Variants in SSBP3 observed in about 807,000 individuals in gnomAD.
The protein encoded by SSBP3 is single-stranded DNA-binding protein 3.
SSBP3 carries 5 observed loss-of-function variants against 69.6 expected under a neutral mutation model. The observed-to-expected ratio is 0.07, with a 90% CI of 0.04 to 0.15. The LOEUF (loss-of-function observed/expected upper bound fraction) is 0.15, where lower values mean the gene tolerates loss of function less well. Among genes scored for constraint, SSBP3 ranks in the 10% least tolerant of loss-of-function variants. The pLI is 1.00. For synonymous variants in SSBP3, 196 were observed against 193.4 expected (o/e 1.01, Z -0.11); for missense variants, 312 against 534.0 (o/e 0.58, Z 4.10).
chr1:54,304,576 A>G (rs1275999867), intron 4 of SSBP3, among the ~76,000 whole-genome samples: 2 of 152,178 alleles, frequency 1.3e-5, no homozygotes, highest in African/African-American at 4.8e-5. Flanking sequence ...GGAAGAACAG[A>G]TAACTCTGGC....
At chr1:54,394,695 CTTTTTT>C (rs544898836) in intron 4 of SSBP3, among the ~76,000 whole-genome samples, 16 of 97,150 alleles carry the variant, frequency 1.6e-4, no homozygotes, top group Admixed American at 7.6e-4. Context: ...CTTAAGACTC[CTTTTTT>C]TTTTTTTTTT....
intron 4 of SSBP3, among the ~76,000 whole-genome samples, chr1:54,365,312 A>G (rs1647011708): frequency 6.6e-6 from 1 of 152,168 alleles, no homozygotes; most frequent in Non-Finnish European, 1.5e-5. Context: ...GACATGCTCT[A>G]TCGTGTCACC....
In SSBP3 at chr1:54,258,716, A is replaced by G. The variant is rs72664202; in HGVS notation, c.367-567T>C. Among the ~76,000 whole-genome samples, 9,668 of 152,226 alleles carry G rather than the reference A, an allele frequency of 0.064. 435 individuals are homozygous for G. The highest frequency in any genetic ancestry group is 0.22 in the South Asian group (1,071 of 4,820). On this transcript the variant is annotated intron_variant, in intron 5 of 17. Transcript: ENST00000610401. The surrounding 1 kb of genome is among the most constrained non-coding windows in gnomAD (Gnocchi z 4.5). ...GGGCAGGAGGGCCGGGGGCACCGAC[A>G]GATAAACAACAGAGGCAAGAGGAGC...
At chr1:54,353,362 A>C (rs1646813454) in intron 4 of SSBP3, among the ~76,000 whole-genome samples, 1 of 152,210 alleles carries the variant, frequency 6.6e-6, no homozygotes, top group South Asian at 2.1e-4. Flanking sequence ...CAGATCCTAC[A>C]GGTTCCAGAA....
At chr1:54,274,838 C>A (rs1410417868) in intron 5 of SSBP3, among the ~76,000 whole-genome samples, 2 of 152,164 alleles carry the variant, frequency 1.3e-5, no homozygotes, top group Non-Finnish European at 2.9e-5. Flanking sequence ...TGGCTCCATC[C>A]CCACACCCCA....
intron 4 of SSBP3, among the ~76,000 whole-genome samples, chr1:54,391,724 G>A (rs1196362726): frequency 6.6e-6 from 1 of 152,250 alleles, no homozygotes; most frequent in African/African-American, 2.4e-5. Flanking sequence ...AACCTGCCCT[G>A]GAAGCTGTGC....
intron 4 of SSBP3, among the ~76,000 whole-genome samples, chr1:54,353,146 G>A (rs1646809505): frequency 6.6e-6 from 1 of 152,204 alleles, no homozygotes; most frequent in South Asian, 2.1e-4. Context: ...CCTGCCACAG[G>A]GAGGACAACT....
intron 4 of SSBP3, among the ~76,000 whole-genome samples, chr1:54,282,042 A>AATAATAATAATAATAATAATAATG (rs1363271900): frequency 1.1e-5 from 1 of 91,080 alleles, no homozygotes; most frequent in Admixed American, 1.3e-4. Flanking sequence ...CCCTATCTCA[A>AATAATAATAATAATAATAATAATG]ATAATAATAA....
intron 4 of SSBP3, among the ~76,000 whole-genome samples, chr1:54,397,991 C>G (rs1412265719): frequency 6.6e-6 from 1 of 152,192 alleles, no homozygotes; most frequent in Non-Finnish European, 1.5e-5. Flanking sequence ...GGGCACCAAC[C>G]AGCATACCCG....
At chr1:54,284,168 A>G (rs2100898821) in intron 4 of SSBP3, among the ~76,000 whole-genome samples, 1 of 116,794 alleles carries the variant, frequency 8.6e-6, no homozygotes, top group Non-Finnish European at 1.6e-5. Context: ...GGCTGGCTTC[A>G]TGTGATCCTC....
chr1:54,228,212 C>T (rs1208269480), intron 17 of SSBP3, 43 bp downstream of exon 17: 1 of 1,578,186 alleles, frequency 6.3e-7, no homozygotes, highest in African/African-American at 1.3e-5. Flanking sequence ...AAAGAGTCCC[C>T]AGGCCGTGGG....
chr1:54,256,517 G>A (rs1644923818), intron 7 of SSBP3, among the ~76,000 whole-genome samples: 1 of 151,926 alleles, frequency 6.6e-6, no homozygotes, highest in African/African-American at 2.4e-5. Context: ...TATGACCCCA[G>A]GCAAAAATCC....
At chr1:54,306,956 T>C (rs1396000113) in intron 4 of SSBP3, among the ~76,000 whole-genome samples, 1 of 152,172 alleles carries the variant, frequency 6.6e-6, no homozygotes, top group Non-Finnish European at 1.5e-5. Context: ...AACTACTGCT[T>C]ACCTTGACTT....
intron 14 of SSBP3, chr1:54,237,062 G>C (rs1644506885): frequency 6.6e-6 from 1 of 152,188 alleles, no homozygotes; most frequent in African/African-American, 2.4e-5. Flanking sequence ...GTCTTCAGTG[G>C]CTTCACTAAA....
rs575023049 is a variant in SSBP3 at position 54,227,168 on chromosome 1, G to A, written c.1138-8C>T. 11 of 966,958 alleles carry A rather than the reference G, an allele frequency of 1.1e-5. No homozygotes were observed. The highest frequency in any genetic ancestry group is 9.3e-5 in the East Asian group (2 of 21,570). The allele number at this position is 966,958 out of a possible 1,614,324, so 59.9% of individuals were successfully genotyped here. ...CGTCATGCTTGGAGAATACTGGAAAGGAGAAGCAGAGAAGGGGGGGGGGTG... is the reference window on the plus strand; with the variant it reads ...CGTCATGCTTGGAGAATACTGGAAAAGAGAAGCAGAGAAGGGGGGGGGGTG... On this transcript the variant is annotated splice_region_variant and splice_polypyrimidine_tract_variant and intron_variant, in intron 17 of 17. Coordinates refer to ENST00000610401, the Ensembl canonical transcript of SSBP3.
intron 1 of SSBP3, among the ~76,000 whole-genome samples, chr1:54,411,908 A>AG (rs1240513997): frequency 1.1e-4 from 16 of 149,288 alleles, no homozygotes; most frequent in Admixed American, 5.4e-4. Flanking sequence ...AAAAAAAAAA[A>AG]AGCAGAAGGC....
intron 14 of SSBP3, among the ~76,000 whole-genome samples, chr1:54,232,430 A>G (rs1570186322): frequency 1.3e-5 from 2 of 152,190 alleles, no homozygotes; most frequent in South Asian, 2.1e-4. Flanking sequence ...CTTATTATTT[A>G]TGTTTTTTTA....
At chr1:54,276,618 A>C (rs1294438520) in intron 5 of SSBP3, among the ~76,000 whole-genome samples, 4 of 150,196 alleles carry the variant, frequency 2.7e-5, no homozygotes, top group African/African-American at 4.9e-5. Context: ...CAAAAAAAAA[A>C]AAAAAAAAAA....
chr1:54,366,159 C>A (rs1009946061), intron 4 of SSBP3, among the ~76,000 whole-genome samples: 1 of 152,168 alleles, frequency 6.6e-6, no homozygotes, highest in Non-Finnish European at 1.5e-5. Context: ...GCCTGGAGCT[C>A]CAGCTGCTGC....
Sources: gnomAD v4.1 joint callset for allele counts (sites outside exome capture counted in the v4.1 genomes callset) on GRCh38, gnomAD v4.1.1 for gene constraint, Gnocchi (gnomAD v3.1) non-coding constraint, MANE v1.5 for transcripts, NCBI Gene and HGNC (gene_info 2026-07-23, HGNC 2026-07-21) for gene names.